The following MROH2B variants were observed in gnomAD, a reference collection of about 807,000 sequenced individuals.
The protein encoded by MROH2B is maestro heat-like repeat-containing protein family member 2B.
MROH2B carries 177 observed loss-of-function variants against 208.6 expected under a neutral mutation model. That is an observed-to-expected ratio of 0.85 (90% confidence interval 0.75 to 0.96). The LOEUF (loss-of-function observed/expected upper bound fraction) is 0.96, where lower values mean the gene tolerates loss of function less well. MROH2B is among the 40% of genes least tolerant of loss of function. The probability of loss-of-function intolerance (pLI) is 0.00; values close to 1 mark genes in which losing one functional copy is unlikely to be tolerated. For synonymous variants in MROH2B, 728 were observed against 659.0 expected (o/e 1.10, Z -1.60); for missense variants, 2,002 against 1,878.7 (o/e 1.07, Z -1.21).
At chr5:41,027,855 G>A (rs1742428496) in intron 24 of MROH2B, among the ~76,000 whole-genome samples, 1 of 152,178 alleles carries the variant, frequency 6.6e-6, no homozygotes, top group South Asian at 2.1e-4. Context: ...ATACTATGCA[G>A]CCATAACAAA....
chr5:41,027,103 C>G (rs541375765), intron 24 of MROH2B, among the ~76,000 whole-genome samples: 7 of 152,060 alleles, frequency 4.6e-5, no homozygotes, highest in Non-Finnish European at 8.8e-5. Flanking sequence ...AAACCTAGGC[C>G]ATAACATTCA....
chr5:41,017,114 G>A (rs1005154663), intron 28 of MROH2B, among the ~76,000 whole-genome samples: 2 of 152,160 alleles, frequency 1.3e-5, no homozygotes, highest in Non-Finnish European at 2.9e-5. Flanking sequence ...GGCATAAGGT[G>A]GCATTAAGTC....
chr5:41,021,702 A>G (rs1048290453), intron 24 of MROH2B, among the ~76,000 whole-genome samples: 4 of 152,082 alleles, frequency 2.6e-5, no homozygotes, highest in African/African-American at 9.7e-5. Flanking sequence ...ACATGGCAAA[A>G]CCATGTCTCT....
At chr5:41,005,104 G>A (rs371150170) in intron 35 of MROH2B, 184 bp from the exon 36 acceptor site, 1 of 722,764 alleles carries the variant, frequency 1.4e-6, no homozygotes, top group Non-Finnish European at 2.2e-6. Context: ...CAGCGCACAG[G>A]TCAAGCTTGC....
Position 41,004,856 on chromosome 5 carries a change from T to C in MROH2B, c.3929A>G (p.Gln1310Arg). ...AGTGGCGTTGGAGTCCCAGGCACTT[T>C]GATCCATCAAGATCAGCACATTTCG... ...NLRNVLILMD[Q>R]SAWDSNATLR... The change falls in exon 36 of 42, where the codon CAA (glutamine) becomes CGA (arginine). Residue 1310 changes from glutamine to arginine, a missense_variant. Gln to Arg is a conservative substitution (Grantham distance 43). Transcript: ENST00000399564. The C allele has an allele frequency of 6.2e-7, 1 of 1,614,020 alleles. No individual in the cohort carries two copies. The highest frequency in any genetic ancestry group is 8.5e-7 in the Non-Finnish European group (1 of 1,179,880).
chr5:41,015,408 C>G lies in MROH2B; in HGVS notation c.2955G>C (p.Gln985His). The G allele has an allele frequency of 6.2e-7, 1 of 1,613,526 alleles. No homozygotes were observed. Among genetic ancestry groups the G allele is most frequent in the East Asian group, 2.2e-5 (1 of 44,884 alleles). The change falls in exon 29 of 42, where the codon CAG becomes CAC. Residue 985 changes from glutamine (Q) to histidine (H), a missense_variant. By Grantham distance (24) the Gln-to-His change is conservative. Coordinates refer to ENST00000399564, the MANE Select transcript of MROH2B (RefSeq NM_173489.5). ...EGLESDDVQV[Q>H]IKISSKIAKI... Reference sequence around the variant, plus strand: ...TAGCTATTTTAGAAGAAATCTTGATCTGAACCTGCACGTCATCACTTTCCA... The same window carrying G: ...TAGCTATTTTAGAAGAAATCTTGATGTGAACCTGCACGTCATCACTTTCCA...
At position 41,033,776 on chromosome 5, in the gene MROH2B, G is replaced by A. The variant is rs1277424727; in HGVS notation, c.2241+62C>T. ...CATCTTTGCTTGGCACACTTCAGGG[G>A]GGCATTATCTATCTATCTATCTATC... On this transcript the variant is annotated intron_variant, in intron 22 of 41. Coordinates refer to ENST00000399564, the MANE Select transcript of MROH2B (RefSeq NM_173489.5). 5.4e-6 allele frequency: 5 copies of A among 931,934 alleles called. No individual in the cohort carries two copies. In the East Asian group the frequency reaches 1.4e-4, roughly 27 times the overall value. The allele number at this position is 931,934 out of a possible 1,614,324, so 57.7% of individuals were successfully genotyped here. A position where few individuals can be genotyped will look rare whatever the true frequency, so the allele number is the denominator to read the frequency against.
intron 5 of MROH2B, among the ~76,000 whole-genome samples, chr5:41,062,812 A>T (rs1482388675): frequency 3.3e-5 from 5 of 152,000 alleles, no homozygotes; most frequent in Admixed American, 2.6e-4. Context: ...TATACTTTAT[A>T]ATAGTTTATT....
At chr5:41,028,773 G>T (rs1742467274) in intron 24 of MROH2B, among the ~76,000 whole-genome samples, 1 of 152,096 alleles carries the variant, frequency 6.6e-6, no homozygotes, top group Non-Finnish European at 1.5e-5. Flanking sequence ...AATAAATATG[G>T]TGGTACAGAT....
intron 40 of MROH2B, among the ~76,000 whole-genome samples, chr5:40,999,182 A>C (rs550979073): frequency 6.6e-6 from 1 of 152,352 alleles, no homozygotes; most frequent in Non-Finnish European, 1.5e-5. Context: ...TTTATACATC[A>C]GACAGAGAGG....
chr5:41,045,911 A>G, intron 17 of MROH2B, 58 bp from the exon 18 acceptor site: 1 of 1,273,460 alleles, frequency 7.9e-7, no homozygotes, highest in African/African-American at 1.5e-5. Flanking sequence ...CTTTCTTGGC[A>G]TATTTTTGGT....
rs573928407 is a variant in MROH2B at position 41,027,940 on chromosome 5, G to A, written c.2441+4802C>T. Among the ~76,000 whole-genome samples, 9 of 150,518 alleles carry A rather than the reference G, an allele frequency of 6.0e-5. No homozygotes were observed. In the East Asian group the frequency reaches 9.9e-4, roughly 16 times the overall value. ...ATTCTCAGCAAACTATTGCAAGGCC[G>A]AAAAACCAAACACCGCTTGTTCTCA... On this transcript the variant is annotated intron_variant, in intron 24 of 41. Transcript: ENST00000399564.
At chr5:41,024,631 CAG>C (rs1208436607) in intron 24 of MROH2B, among the ~76,000 whole-genome samples, 1 of 152,128 alleles carries the variant, frequency 6.6e-6, no homozygotes, top group East Asian at 1.9e-4. Context: ...ATCAATAAGA[CAG>C]AAAGTTAACA....
At chr5:41,043,936 G>C (rs1023478361) in intron 18 of MROH2B, among the ~76,000 whole-genome samples, 4 of 152,032 alleles carry the variant, frequency 2.6e-5, no homozygotes, top group Non-Finnish European at 5.9e-5. Flanking sequence ...GAAATCAGCT[G>C]TGCTAGTTAA....
chr5:41,018,006 TAGC>T, intron 27 of MROH2B, 36 bp from the exon 28 acceptor site: 1 of 1,558,498 alleles, frequency 6.4e-7, no homozygotes, highest in Non-Finnish European at 8.7e-7. Context: ...TGTGATGGGG[TAGC>T]TTGGTCATAT....
At chr5:41,017,139 C>T (rs1741980453) in intron 28 of MROH2B, among the ~76,000 whole-genome samples, 1 of 152,202 alleles carries the variant, frequency 6.6e-6, no homozygotes, top group Admixed American at 6.5e-5. Context: ...CTGTTTCTGG[C>T]TGCGTCTACT....
chr5:41,012,245 T>C (rs1237272683), intron 30 of MROH2B, among the ~76,000 whole-genome samples: 1 of 152,182 alleles, frequency 6.6e-6, no homozygotes, highest in East Asian at 1.9e-4. Flanking sequence ...CTGCCCTTGG[T>C]GGTTGTCTCA....
intron 24 of MROH2B, among the ~76,000 whole-genome samples, chr5:41,021,916 A>C (rs564094797): frequency 2.0e-5 from 3 of 152,216 alleles, no homozygotes; most frequent in Non-Finnish European, 4.4e-5. Context: ...AGCCCATGGA[A>C]TAGAATAAAG....
chr5:41,061,813 A>T, intron 5 of MROH2B, 89 bp from the exon 6 acceptor site: 1 of 1,348,528 alleles, frequency 7.4e-7, no homozygotes, highest in South Asian at 1.5e-5. Flanking sequence ...GCTGATGATT[A>T]GTAAATATGT....
Sources: allele counts gnomAD v4.1 joint callset (sites outside exome capture counted in the v4.1 genomes callset), GRCh38; gene constraint gnomAD v4.1.1; transcripts MANE v1.5; gene names NCBI Gene and HGNC (gene_info 2026-07-23, HGNC 2026-07-21).